The following POMT2 variants were observed in gnomAD, a reference collection of about 807,000 sequenced individuals.
POMT2 encodes protein O-mannosyl-transferase 2.
POMT2 carries 75 observed loss-of-function variants against 100.0 expected under a neutral mutation model. The ratio of observed to expected loss-of-function variants is 0.75; its 90% CI spans 0.62 to 0.91. POMT2 has a LOEUF of 0.91. Among genes scored for constraint, POMT2 ranks in the 40% least tolerant of loss-of-function variants. The probability of loss-of-function intolerance (pLI) is 0.00; values close to 1 mark genes in which losing one functional copy is unlikely to be tolerated. For synonymous variants in POMT2, 378 were observed against 374.1 expected, an observed-to-expected ratio of 1.01 and a Z score of -0.12; for missense variants, 940 against 955.1, an observed-to-expected ratio of 0.98 and a Z score of 0.21.
chr14:77,318,160 A>T (rs1891696469), intron 1 of POMT2, among the ~76,000 whole-genome samples: 1 of 152,166 alleles, frequency 6.6e-6, no homozygotes, highest in South Asian at 2.1e-4. Flanking sequence ...GGAGATGTAA[A>T]GAGAAGGGAA....
At chr14:77,314,503 C>T (rs923026421) in intron 1 of POMT2, among the ~76,000 whole-genome samples, 1 of 152,176 alleles carries the variant, frequency 6.6e-6, no homozygotes, top group East Asian at 1.9e-4. Context: ...ATCACAGCCC[C>T]TGACAGTGTG....
At chr14:77,300,784 C>G in intron 6 of POMT2, 1 of 351,290 alleles carries the variant, frequency 2.8e-6, no homozygotes, top group Non-Finnish European at 5.4e-6. Flanking sequence ...CGGCCCACTG[C>G]ACTCCAGCCT....
At chr14:77,299,632 T>C in intron 6 of POMT2, 71 bp from the exon 7 acceptor site, 1 of 1,114,346 alleles carries the variant, frequency 9.0e-7, no homozygotes, top group Non-Finnish European at 1.4e-6. Context: ...TATGCATGCA[T>C]TATATATAGC....
intron 12 of POMT2, among the ~76,000 whole-genome samples, chr14:77,285,921 A>G (rs1018418771): frequency 7.2e-5 from 11 of 152,192 alleles, no homozygotes; most frequent in African/African-American, 2.7e-4. Flanking sequence ...CAAGTTCTAA[A>G]TACCTGTCTT....
In POMT2 at chr14:77,302,839, C is replaced by T. The variant is rs140785104; in HGVS notation, c.652G>A (p.Asp218Asn). The T allele has an allele frequency of 8.4e-4, 1,354 of 1,610,284 alleles. 6 individuals are homozygous for T. In the African/African-American group the frequency reaches 0.016, roughly 19 times the overall value. ...CCCGGGGATGGAGTTTCTGACCTGTCGGCGCAAGAGTTGTACTTGACCATG... is the reference window on the plus strand; with the variant it reads ...CCCGGGGATGGAGTTTCTGACCTGTTGGCGCAAGAGTTGTACTTGACCATG... ...LSMVKYNSCA[D>N]RPFSAPWWFW... The change falls in exon 5 of 21, where the codon GAC becomes AAC. Residue 218 changes from aspartate to asparagine, a missense_variant. Coordinates refer to ENST00000261534, the MANE Select transcript of POMT2 (RefSeq NM_013382.7).
chr14:77,297,864 C>A (rs904510474), intron 8 of POMT2, among the ~76,000 whole-genome samples: 3 of 152,128 alleles, frequency 2.0e-5, no homozygotes, highest in African/African-American at 7.2e-5. Flanking sequence ...AGCCTCGACT[C>A]TCCCACCCAT....
chr14:77,298,503 T>C (rs1484639150), intron 8 of POMT2, among the ~76,000 whole-genome samples, 186 bp downstream of exon 8: 1 of 152,248 alleles, frequency 6.6e-6, no homozygotes, highest in African/African-American at 2.4e-5. Flanking sequence ...AGCTTGCTGC[T>C]CAGGATGTCT....
chr14:77,299,359 T>C (rs980075533), intron 7 of POMT2, 96 bp downstream of exon 7: 1 of 1,122,796 alleles, frequency 8.9e-7, no homozygotes, highest in East Asian at 2.4e-5. Flanking sequence ...TCACCTATCA[T>C]TTTAACCACA....
rs748900993 is a variant in POMT2 at position 77,311,995 on chromosome 14, T to C, written c.287A>G (p.Tyr96Cys). The C allele has an allele frequency of 5.6e-6, 9 of 1,614,010 alleles. No individual in the cohort carries two copies. Among genetic ancestry groups the C allele is most frequent in the South Asian group, 4.4e-5 (4 of 91,084 alleles). The change falls in exon 2 of 21, where the codon TAT (tyrosine) becomes TGT (cysteine). Residue 96 changes from tyrosine (Y) to cysteine (C), a missense_variant. Tyr to Cys is a radical substitution (Grantham distance 194, BLOSUM62 -2). Transcript: ENST00000261534. ...ATCAAAGAAAAATGTACGGTTGATA[T>C]AGTAACTTCCCATTTTTCCAAAGTG... ...ETHFGKMGSY[Y>C]INRTFFFDVH...
intron 5 of POMT2, among the ~76,000 whole-genome samples, chr14:77,301,523 G>A (rs371325046): frequency 6.6e-6 from 1 of 152,174 alleles, no homozygotes. Context: ...CAGGGTAAGT[G>A]GGGGCTCCTT....
chr14:77,285,497 T>C lies in POMT2; in HGVS notation c.1468A>G (p.Lys490Glu). ...GAGACTTACCACTTGGGCAGAACCT[T>C]TCCCGAGGAGCCCAGGACACAACCT... is the stretch of plus-strand genomic sequence containing the variant. ...VTGCVLGSSG[K>E]VLPKWGWEQL... Residue 490 changes from lysine to glutamate, a missense_variant, in exon 13 of 21, where the codon AAG (lysine) becomes GAG (glutamate). Lys to Glu is a moderately conservative substitution (Grantham distance 56). Coordinates refer to ENST00000261534, the MANE Select transcript of POMT2 (RefSeq NM_013382.7). 1 of 1,614,150 alleles carries C rather than the reference T, an allele frequency of 6.2e-7. No individual in the cohort carries two copies. Among genetic ancestry groups the C allele is most frequent in the South Asian group, 1.1e-5 (1 of 91,084 alleles).
At chr14:77,303,808 G>A (rs1891136572) in intron 4 of POMT2, among the ~76,000 whole-genome samples, 1 of 152,192 alleles carries the variant, frequency 6.6e-6, no homozygotes, top group Non-Finnish European at 1.5e-5. Flanking sequence ...GACATCACAT[G>A]ACAGACTTAT....
chr14:77,278,952 G>A lies in POMT2; in HGVS notation c.1892-83C>T. On this transcript the variant is annotated intron_variant, in intron 18 of 20. Transcript: ENST00000261534. ...TCTGGTCCAGCTCTGCCCCTTCCTT[G>A]CTGTGTGACCTTGAATATGTCATAT... is the stretch of plus-strand genomic sequence containing the variant. The A allele has an allele frequency of 2.0e-6, 3 of 1,498,276 alleles. No homozygotes were observed. The South Asian group carries it at 3.5e-5, about 18-fold the overall frequency. 92.8% of individuals were successfully genotyped at this position (1,498,276 alleles called of 1,614,324 possible).
chr14:77,299,398 A>C (rs1167788419), intron 7 of POMT2, 57 bp downstream of exon 7: 17 of 1,491,786 alleles, frequency 1.1e-5, no homozygotes, highest in Non-Finnish European at 1.6e-5. Context: ...ACCCCTCCAC[A>C]GGCTTAGGAG....
At chr14:77,288,016 C>T (rs1476073753) in intron 11 of POMT2, among the ~76,000 whole-genome samples, 1 of 152,212 alleles carries the variant, frequency 6.6e-6, no homozygotes, top group Non-Finnish European at 1.5e-5. Flanking sequence ...CAGATTTACC[C>T]TTACCCCAAG....
chr14:77,279,545 T>A (rs1347874108), intron 18 of POMT2: 1 of 583,384 alleles, frequency 1.7e-6, no homozygotes, highest in African/African-American at 1.8e-5. Flanking sequence ...ACTAGCTGTA[T>A]GTCCTGGGGC....
At chr14:77,306,191 G>A (rs942722498) in intron 3 of POMT2, 146 bp downstream of exon 3, 64 of 1,384,750 alleles carry the variant, frequency 4.6e-5, no homozygotes, top group Middle Eastern at 4.8e-4. Flanking sequence ...ACACCACAGG[G>A]GAGGGTCTGA....
intron 18 of POMT2, 91 bp downstream of exon 18, chr14:77,279,732 G>T (rs986075631): frequency 7.8e-7 from 1 of 1,282,386 alleles, no homozygotes; most frequent in East Asian, 2.5e-5. Flanking sequence ...AAACGCAAAG[G>T]ATGGCCCATC....
chr14:77,302,323 A>G (rs1207733126), intron 5 of POMT2, among the ~76,000 whole-genome samples: 3 of 152,236 alleles, frequency 2.0e-5, no homozygotes, highest in Non-Finnish European at 2.9e-5. Context: ...GGACCATTCA[A>G]GCCAACCTTT....
Sources: gnomAD v4.1 joint callset for allele counts (sites outside exome capture counted in the v4.1 genomes callset) on GRCh38, gnomAD v4.1.1 for gene constraint, MANE v1.5 for transcripts, NCBI Gene and HGNC (gene_info 2026-07-23, HGNC 2026-07-21) for gene names.